The following TBPL1 variants were observed in gnomAD, a reference collection of about 807,000 sequenced individuals.
TBPL1 encodes TATA box-binding protein-like 1.
Under a neutral mutation model 22.1 loss-of-function variants are expected in TBPL1, and 4 were observed. The ratio of observed to expected loss-of-function variants is 0.18; its 90% CI spans 0.09 to 0.41. The LOEUF (loss-of-function observed/expected upper bound fraction) is 0.41. Among genes scored for constraint, TBPL1 ranks in the 10% least tolerant of loss-of-function variants. The pLI is 1.00. For synonymous variants in TBPL1, 64 were observed against 71.0 expected, an observed-to-expected ratio of 0.90 and a Z score of 0.50; for missense variants, 115 against 222.3, an observed-to-expected ratio of 0.52 and a Z score of 3.07.
At chr6:133,953,011 G>A (rs1427558248), upstream of TBPL1, among the ~76,000 whole-genome samples, 1 of 152,136 alleles carries the variant, frequency 6.6e-6, no homozygotes, top group Non-Finnish European at 1.5e-5. Context: ...GAGCCCAGCG[G>A]GTGGGCAGGA....
At chr6:133,968,842 G>A (rs937827152) in intron 1 of TBPL1, 5 of 152,124 alleles carry the variant, frequency 3.3e-5, no homozygotes, top group Admixed American at 6.5e-5. Flanking sequence ...GCTAATTTTT[G>A]TATTTTTGGT....
chr6:133,964,579 A>T (rs1776086169), intron 1 of TBPL1, among the ~76,000 whole-genome samples: 1 of 150,752 alleles, frequency 6.6e-6, no homozygotes. Context: ...GCCTCCGAGT[A>T]GCTGGGACTA....
chr6:133,976,611 G>A (rs146328778), intron 1 of TBPL1, among the ~76,000 whole-genome samples: 31 of 152,208 alleles, frequency 2.0e-4, no homozygotes, highest in African/African-American at 6.5e-4. Context: ...TATTTAGTTA[G>A]ACCTGTTTAA....
At chr6:133,980,784 C>T (rs1776398274) in intron 2 of TBPL1, among the ~76,000 whole-genome samples, 1 of 151,054 alleles carries the variant, frequency 6.6e-6, no homozygotes, top group South Asian at 2.1e-4. Flanking sequence ...ATAATAAAAC[C>T]TTAGTGTTTT....
intron 1 of TBPL1, among the ~76,000 whole-genome samples, chr6:133,965,975 CA>C (rs1026723636): frequency 6.6e-6 from 1 of 152,142 alleles, no homozygotes; most frequent in Admixed American, 6.5e-5. Flanking sequence ...TATTGAGGCA[CA>C]AAGGTGTTAA....
At chr6:133,980,622 A>C (rs1562666004) in intron 2 of TBPL1, among the ~76,000 whole-genome samples, 1 of 151,574 alleles carries the variant, frequency 6.6e-6, no homozygotes, top group Admixed American at 6.6e-5. Context: ...AATTTTTATA[A>C]TATTTTAATT....
intron 1 of TBPL1, among the ~76,000 whole-genome samples, chr6:133,961,465 C>CTTTTTTT (rs61695774): frequency 2.6e-4 from 26 of 100,158 alleles, no homozygotes; most frequent in African/African-American, 3.8e-4. Flanking sequence ...TTCTTTCTTT[C>CTTTTTTT]TTTTTTTTTT....
Position 133,984,571 on chromosome 6 carries a change from G to C in TBPL1, c.387-6G>C. 6.2e-7 allele frequency: 1 copy of C among 1,612,480 alleles called. No homozygotes were observed. Among genetic ancestry groups the C allele is most frequent in the South Asian group, 1.1e-5 (1 of 90,974 alleles). ...ATTTATATTAATTGTGGCTTATTTTGTGTAGTTACGAACCTGAACTTCATC... is the reference window on the plus strand; with the variant it reads ...ATTTATATTAATTGTGGCTTATTTTCTGTAGTTACGAACCTGAACTTCATC... On this transcript the variant is annotated splice_region_variant and splice_polypyrimidine_tract_variant and intron_variant, in intron 5 of 6. Transcript: ENST00000237264.
chr6:133,971,956 C>T (rs1293046777), intron 1 of TBPL1, among the ~76,000 whole-genome samples: 7 of 152,062 alleles, frequency 4.6e-5, no homozygotes, highest in African/African-American at 1.7e-4. Context: ...TCATCTTGAT[C>T]TAATAATCGT....
chr6:133,984,084 AG>A (rs1394653481), intron 4 of TBPL1, among the ~76,000 whole-genome samples: 1 of 152,138 alleles, frequency 6.6e-6, no homozygotes, highest in African/African-American at 2.4e-5. Context: ...CTTTCTCAGT[AG>A]TTTTAAATAT....
chr6:133,987,145 CTT>C lies in TBPL1; in HGVS notation c.*108_*109del, dbSNP rs1157194061. The C allele has an allele frequency of 1.5e-6, 1 of 665,956 alleles. No individual in the cohort carries two copies. The highest frequency in any genetic ancestry group is 2.4e-6 in the Non-Finnish European group (1 of 408,448). 41.3% of individuals were successfully genotyped at this position (665,956 alleles called of 1,614,324 possible). A position where few individuals can be genotyped will look rare whatever the true frequency, so the allele number is the denominator to read the frequency against. On this transcript the variant is annotated 3_prime_UTR_variant, in exon 7 of 7. Coordinates refer to ENST00000237264, the MANE Select transcript of TBPL1 (RefSeq NM_004865.4). Reference sequence around the variant, plus strand: ...CCAACAATAATTGAGGAAATAGACTCTTTTATTCATTCACGGCTACAGTGTAA... The same window carrying C: ...CCAACAATAATTGAGGAAATAGACTCTTATTCATTCACGGCTACAGTGTAA...
chr6:133,979,756 C>T lies in TBPL1; in HGVS notation c.-44-326C>T, dbSNP rs572857016. ...CCGCCTCCCAGGTTCAAGTGATTCT[C>T]CCACCTCAGCCTCCCTAGTAGCTGG... On this transcript the variant is annotated intron_variant, in intron 1 of 6. Coordinates refer to ENST00000237264, the MANE Select transcript of TBPL1 (RefSeq NM_004865.4). Among the ~76,000 whole-genome samples the T allele has an allele frequency of 1.1e-4, 16 of 152,216 alleles. No homozygotes were observed. In the East Asian group the frequency reaches 3.1e-3, roughly 29 times the overall value.
chr6:133,954,041 G>A (rs1583803128), intron 1 of TBPL1, among the ~76,000 whole-genome samples: 1 of 152,252 alleles, frequency 6.6e-6, no homozygotes, highest in Non-Finnish European at 1.5e-5. Context: ...GATGAGAGTC[G>A]GGATAAGTGA....
intron 2 of TBPL1, among the ~76,000 whole-genome samples, chr6:133,981,973 G>A (rs1011256370): frequency 1.3e-5 from 2 of 152,142 alleles, no homozygotes; most frequent in South Asian, 2.1e-4. Flanking sequence ...TCAAGATGCC[G>A]ATGTTGAACT....
chr6:133,984,138 C>T (rs1043675191), intron 4 of TBPL1, among the ~76,000 whole-genome samples: 4 of 152,078 alleles, frequency 2.6e-5, no homozygotes, highest in Admixed American at 6.6e-5. Context: ...ATTAGAAAGA[C>T]CCATACTGTT....
At chr6:133,982,430 A>G in intron 2 of TBPL1, 138 bp from the exon 3 acceptor site, 1 of 621,164 alleles carries the variant, frequency 1.6e-6, no homozygotes, top group Non-Finnish European at 2.7e-6. Flanking sequence ...TGATTTCAGA[A>G]TGGTAGATTT....
chr6:133,954,967 AT>A (rs1412858216), intron 1 of TBPL1, among the ~76,000 whole-genome samples: 2 of 152,194 alleles, frequency 1.3e-5, no homozygotes, highest in African/African-American at 2.4e-5. Flanking sequence ...TGTTAAAGGA[AT>A]TTCATTCATG....
chr6:133,986,543 C>T (rs1446993547), intron 6 of TBPL1, among the ~76,000 whole-genome samples: 2 of 152,108 alleles, frequency 1.3e-5, no homozygotes, highest in African/African-American at 4.8e-5. Flanking sequence ...TTGGTAGCAG[C>T]TTTGTTTCAC....
chr6:133,965,248 G>T (rs915356934), intron 1 of TBPL1, among the ~76,000 whole-genome samples: 1 of 152,166 alleles, frequency 6.6e-6, no homozygotes. Flanking sequence ...TCTCAGTAAA[G>T]AGATGAAACT....
Sources: allele counts gnomAD v4.1 joint callset (sites outside exome capture counted in the v4.1 genomes callset), GRCh38; gene constraint gnomAD v4.1.1; transcripts MANE v1.5; gene names NCBI Gene and HGNC (gene_info 2026-07-23, HGNC 2026-07-21).